Variants in NUF2 observed in about 807,000 individuals in gnomAD.
NUF2 encodes the protein NUF2 component of NDC80 kinetochore complex.
A neutral mutation model predicts 61.8 loss-of-function variants in NUF2; 34 were observed. That is an observed-to-expected ratio of 0.55 (90% CI 0.42 to 0.73). The LOEUF is 0.73. NUF2 is among the 30% of genes least tolerant of loss of function. The pLI is 0.00. For synonymous variants in NUF2, 172 were observed against 181.6 expected (o/e 0.95, Z 0.42); for missense variants, 445 against 539.1 (o/e 0.83, Z 1.73).
At chr1:163,337,586 T>C (rs1650805180) in intron 6 of NUF2, among the ~76,000 whole-genome samples, 1 of 152,052 alleles carries the variant, frequency 6.6e-6, no homozygotes, top group Non-Finnish European at 1.5e-5. Context: ...TCTCATAATT[T>C]TGCTTGGTTA....
intron 1 of NUF2, among the ~76,000 whole-genome samples, chr1:163,322,696 A>T (rs1261443490): frequency 1.3e-5 from 2 of 152,232 alleles, no homozygotes; most frequent in Non-Finnish European, 2.9e-5. Context: ...AACAAAACGA[A>T]GTGTGTAAAA....
intron 8 of NUF2, 161 bp from the exon 9 acceptor site, chr1:163,340,203 A>C (rs1650894066): frequency 1.8e-6 from 1 of 553,164 alleles, no homozygotes; most frequent in East Asian, 3.2e-5. Flanking sequence ...GAACTCTTAG[A>C]TATTTCTTTT....
intron 6 of NUF2, 103 bp downstream of exon 6, chr1:163,336,951 A>C: frequency 4.2e-6 from 3 of 721,290 alleles, no homozygotes; most frequent in Non-Finnish European, 7.2e-6. Context: ...AAATTGCTGT[A>C]TTGCCTTTAG....
In NUF2 at chr1:163,327,100, ACACACACACACACAC is replaced by A. The variant is rs1396246250; in HGVS notation, c.124-387_124-373del. Among the ~76,000 whole-genome samples the A allele has an allele frequency of 4.4e-3, 642 of 145,326 alleles. 7 individuals carry two copies. The highest frequency in any genetic ancestry group is 0.017 in the Middle Eastern group (5 of 290). On this transcript the variant is annotated intron_variant, in intron 2 of 13. Transcript: ENST00000271452. ...GCAGCAAACAAGGTTTCCTGTGTTC[ACACACACACACACAC>A]ACACACACACACACACACACACACA...
At chr1:163,347,207 C>G (rs1173084141) in intron 11 of NUF2, among the ~76,000 whole-genome samples, 1 of 152,210 alleles carries the variant, frequency 6.6e-6, no homozygotes, top group Non-Finnish European at 1.5e-5. Flanking sequence ...GTTTCTCAGG[C>G]TACAAGCTTG....
chr1:163,322,984 A>G (rs1650287221), intron 1 of NUF2: 1 of 152,228 alleles, frequency 6.6e-6, no homozygotes, highest in Non-Finnish European at 1.5e-5. Context: ...TCCAAAAGGA[A>G]ATACTGGAAG....
chr1:163,327,641 A>G (rs893145152), intron 3 of NUF2, 79 bp downstream of exon 3: 7 of 854,884 alleles, frequency 8.2e-6, no homozygotes, highest in African/African-American at 3.4e-5. Context: ...TCTGCTTACA[A>G]TGCATACTGG....
At chr1:163,340,594 C>G (rs949242199) in intron 9 of NUF2, among the ~76,000 whole-genome samples, 168 bp downstream of exon 9, 1 of 151,980 alleles carries the variant, frequency 6.6e-6, no homozygotes, top group Non-Finnish European at 1.5e-5. Context: ...TAAAAAATAT[C>G]GAAACACAGA....
intron 11 of NUF2, among the ~76,000 whole-genome samples, chr1:163,347,357 C>T (rs1651167655): frequency 2.0e-5 from 3 of 152,210 alleles, no homozygotes; most frequent in African/African-American, 7.2e-5. Context: ...TATTCTTTCC[C>T]AACTACATAG....
chr1:163,338,131 C>G, intron 7 of NUF2, 38 bp downstream of exon 7: 1 of 1,464,708 alleles, frequency 6.8e-7, no homozygotes, highest in Middle Eastern at 1.8e-4. Context: ...AATGCAATTT[C>G]AAAATGCAAA....
intron 5 of NUF2, among the ~76,000 whole-genome samples, chr1:163,331,439 G>A (rs1358252818): frequency 6.6e-6 from 1 of 151,878 alleles, no homozygotes; most frequent in Non-Finnish European, 1.5e-5. Context: ...CTGTGTTCAT[G>A]ATGGATATTG....
In NUF2 at chr1:163,326,045, T is replaced by G. The variant is rs372718799; in HGVS notation, c.-7T>G. ...TTCTTCCTTCAGATTAACAGGAAACTTCCAAGATGGAAACTTTGTCTTTCC... is the reference window on the plus strand; with the variant it reads ...TTCTTCCTTCAGATTAACAGGAAACGTCCAAGATGGAAACTTTGTCTTTCC... On this transcript the variant is annotated 5_prime_UTR_variant, in exon 2 of 14. Coordinates refer to ENST00000271452, the MANE Select transcript of NUF2 (RefSeq NM_145697.3). 1.1e-4 allele frequency: 171 copies of G among 1,611,594 alleles called. No homozygotes were observed. The highest frequency in any genetic ancestry group is 7.5e-5 in the Non-Finnish European group (88 of 1,178,608).
At chr1:163,334,277 A>G (rs371575984) in intron 5 of NUF2, among the ~76,000 whole-genome samples, 8 of 152,350 alleles carry the variant, frequency 5.3e-5, no homozygotes, top group African/African-American at 1.9e-4. Flanking sequence ...CAATAAACAT[A>G]CAAGTGCATT....
intron 1 of NUF2, among the ~76,000 whole-genome samples, chr1:163,324,821 A>G (rs141098573): frequency 7.9e-5 from 12 of 152,276 alleles, no homozygotes; most frequent in African/African-American, 2.9e-4. Context: ...TTCTTTAAAC[A>G]TAATTCCAGT....
Position 163,345,658 on chromosome 1 carries a change from C to G in NUF2, c.808-20C>G, listed in dbSNP as rs1386984582. 1.9e-6 allele frequency: 3 copies of G among 1,597,114 alleles called. No homozygotes were observed. The highest frequency in any genetic ancestry group is 8.5e-7 in the Non-Finnish European group (1 of 1,174,290). On this transcript the variant is annotated intron_variant, in intron 10 of 13. Transcript: ENST00000271452. ...AAAGAAGAATATCAAACTGTGGTCT[C>G]TGTTTTTTGTCTTTCAAAGCAAGAA...
At chr1:163,330,560 T>C (rs916885654) in intron 5 of NUF2, among the ~76,000 whole-genome samples, 28 of 152,242 alleles carry the variant, frequency 1.8e-4, no homozygotes, top group Non-Finnish European at 3.2e-4. Context: ...CATCTCTATA[T>C]GTATTTTAGT....
chr1:163,326,177 A>T lies in NUF2; in HGVS notation c.123+3A>T, dbSNP rs751849560. On this transcript the variant is annotated splice_donor_region_variant and intron_variant, in intron 2 of 13. Transcript: ENST00000271452. ...ATGATCTTTATCCAAATCCAAAGGT[A>T]AAAGGTGGTTACGTTTGCATGTGGA... 1 of 1,611,780 alleles carries T rather than the reference A, an allele frequency of 6.2e-7. No homozygotes were observed. Among genetic ancestry groups the T allele is most frequent in the East Asian group, 2.2e-5 (1 of 44,716 alleles).
chr1:163,328,329 C>G, intron 4 of NUF2, 25 bp downstream of exon 4: 3 of 1,406,648 alleles, frequency 2.1e-6, no homozygotes, highest in Non-Finnish European at 3.0e-6. Flanking sequence ...ATTTTATTGT[C>G]TTCGTCTACA....
At chr1:163,341,788 C>G (rs543004765) in intron 9 of NUF2, among the ~76,000 whole-genome samples, 4 of 151,942 alleles carry the variant, frequency 2.6e-5, no homozygotes, top group African/African-American at 9.7e-5. Context: ...CCACCACTCC[C>G]GGCTAATTTT....
Sources: allele counts gnomAD v4.1 joint callset (sites outside exome capture counted in the v4.1 genomes callset), GRCh38; gene constraint gnomAD v4.1.1; transcripts MANE v1.5; gene names NCBI Gene and HGNC (gene_info 2026-07-23, HGNC 2026-07-21).